Variants in ACSM3 observed in about 807,000 individuals in gnomAD.
ACSM3 encodes the protein acyl-coenzyme A synthetase ACSM3, mitochondrial.
ACSM3 carries 61 observed loss-of-function variants against 74.1 expected under a neutral mutation model. The ratio of observed to expected loss-of-function variants is 0.82; its 90% CI spans 0.67 to 1.02. The LOEUF (loss-of-function observed/expected upper bound fraction) is 1.02, where lower values mean the gene tolerates loss of function less well. ACSM3 is among the 50% of genes least tolerant of loss of function. ACSM3 has a pLI of 0.00. For synonymous variants in ACSM3, 213 were observed against 241.5 expected (o/e 0.88, Z 1.09); for missense variants, 660 against 697.0 (o/e 0.95, Z 0.60).
upstream of ACSM3, among the ~76,000 whole-genome samples, chr16:20,762,667 C>T (rs1377961364): frequency 6.6e-6 from 1 of 152,106 alleles, no homozygotes; most frequent in Non-Finnish European, 1.5e-5. Flanking sequence ...AAGAAAAACA[C>T]CACATGCTTA....
intron 2 of ACSM3, among the ~76,000 whole-genome samples, chr16:20,754,810 C>T (rs2080016216): frequency 6.6e-6 from 1 of 152,106 alleles, no homozygotes; most frequent in Non-Finnish European, 1.5e-5. Context: ...TGGAGTTTTG[C>T]ATAGAGCTGG....
At chr16:20,680,730 C>T (rs568939961) in intron 1 of ACSM3, 15 of 152,260 alleles carry the variant, frequency 9.9e-5, no homozygotes, top group Non-Finnish European at 2.2e-4. Context: ...ATTACTCCTA[C>T]TTACCAGATC....
At chr16:20,710,537 G>A (rs1208521079) in intron 1 of ACSM3, among the ~76,000 whole-genome samples, 1 of 151,900 alleles carries the variant, frequency 6.6e-6, no homozygotes, top group Non-Finnish European at 1.5e-5. Flanking sequence ...TACAGATGGG[G>A]TCTCACTGTG....
At chr16:20,754,744 G>A (rs1200996951) in intron 2 of ACSM3, among the ~76,000 whole-genome samples, 5 of 152,164 alleles carry the variant, frequency 3.3e-5, no homozygotes, top group Non-Finnish European at 7.3e-5. Flanking sequence ...AATACCATGT[G>A]CAATTCTCCA....
chr16:20,715,573 C>T (rs979967070), intron 1 of ACSM3, among the ~76,000 whole-genome samples: 2 of 152,042 alleles, frequency 1.3e-5, no homozygotes, highest in African/African-American at 4.8e-5. Context: ...CACTGCACTC[C>T]AGCCTGGGTG....
intron 2 of ACSM3, among the ~76,000 whole-genome samples, chr16:20,755,359 T>A (rs907928828): frequency 6.6e-6 from 1 of 152,150 alleles, no homozygotes; most frequent in Admixed American, 6.6e-5. Context: ...GTTAGAATCA[T>A]CTGACAAAGA....
upstream of ACSM3, among the ~76,000 whole-genome samples, chr16:20,762,143 C>T (rs767607231): frequency 6.6e-6 from 1 of 152,188 alleles, no homozygotes; most frequent in Non-Finnish European, 1.5e-5. Context: ...CAAAAACTTG[C>T]CTCAGTCTCT....
At chr16:20,760,472 G>A (rs1416273912), upstream of ACSM3, among the ~76,000 whole-genome samples, 1 of 152,190 alleles carries the variant, frequency 6.6e-6, no homozygotes, top group Non-Finnish European at 1.5e-5. Context: ...GTAAGTTACG[G>A]AAGAGAGAAA....
At chr16:20,791,585 A>AAT (rs1266618800) in intron 10 of ACSM3, among the ~76,000 whole-genome samples, 1 of 152,160 alleles carries the variant, frequency 6.6e-6, no homozygotes, top group Non-Finnish European at 1.5e-5. Context: ...TCCTAACTCT[A>AAT]ATGCTTCTCA....
intron 1 of ACSM3, chr16:20,737,668 A>G: frequency 1.3e-5 from 20 of 1,560,622 alleles, no homozygotes; most frequent in Non-Finnish European, 1.7e-5. Flanking sequence ...ACAAGTATTT[A>G]CCATTGAATG....
At chr16:20,754,376 C>T (rs1487843970) in intron 2 of ACSM3, among the ~76,000 whole-genome samples, 1 of 152,156 alleles carries the variant, frequency 6.6e-6, no homozygotes, top group African/African-American at 2.4e-5. Flanking sequence ...CTCTAACACT[C>T]AGGGTTCCCA....
intron 10 of ACSM3, among the ~76,000 whole-genome samples, chr16:20,791,540 CT>C (rs2080597264): frequency 1.3e-5 from 2 of 152,204 alleles, no homozygotes; most frequent in South Asian, 4.1e-4. Context: ...TAGCTCCATG[CT>C]GGAATTTCAT....
At chr16:20,786,054 T>G (rs762548951) in intron 8 of ACSM3, 24 bp from the exon 9 acceptor site, 2 of 1,448,420 alleles carry the variant, frequency 1.4e-6, no homozygotes, top group South Asian at 1.3e-5. Flanking sequence ...TAATGTTATC[T>G]TACTTTTTCT....
intron 13 of ACSM3, 182 bp downstream of exon 13, chr16:20,796,671 T>C: frequency 6.8e-7 from 1 of 1,475,886 alleles, no homozygotes; most frequent in Middle Eastern, 2.5e-4. Context: ...ACCTATTTTG[T>C]TTGGTCCTTT....
chr16:20,773,818 GA>G (rs1353587870), intron 2 of ACSM3, among the ~76,000 whole-genome samples: 4 of 152,222 alleles, frequency 2.6e-5, no homozygotes, highest in African/African-American at 7.2e-5. Context: ...CTGATGAGAA[GA>G]AGAATGTGTA....
intron 8 of ACSM3, 125 bp downstream of exon 8, chr16:20,785,232 A>C: frequency 7.5e-7 from 1 of 1,334,896 alleles, no homozygotes; most frequent in African/African-American, 1.5e-5. Context: ...AAATGTTTAA[A>C]AAAACAATGC....
rs2080271208 is a variant in ACSM3, at chr16:20,777,584, A to G, written c.638+4A>G. 1 of 1,609,896 alleles carries G rather than the reference A, an allele frequency of 6.2e-7. No individual in the cohort carries two copies. The highest frequency in any genetic ancestry group is 8.5e-7 in the Non-Finnish European group (1 of 1,176,358). On this transcript the variant is annotated splice_donor_region_variant and intron_variant, in intron 4 of 13. Coordinates refer to ENST00000289416, the MANE Select transcript of ACSM3 (RefSeq NM_005622.4). ...GGAACCTCAAGGAGTTGATGAAGTG[A>G]GTAGCCACACTTGTTGTAAAACAGC...
chr16:20,754,774 A>C (rs1450216780), intron 2 of ACSM3, among the ~76,000 whole-genome samples: 1 of 152,192 alleles, frequency 6.6e-6, no homozygotes, highest in Non-Finnish European at 1.5e-5. Context: ...TAAGCTTCTC[A>C]AGTGTCACAA....
At chr16:20,755,335 G>A (rs1019196350) in intron 2 of ACSM3, among the ~76,000 whole-genome samples, 2 of 152,180 alleles carry the variant, frequency 1.3e-5, no homozygotes, top group Non-Finnish European at 2.9e-5. Flanking sequence ...TGCTAACACT[G>A]AGATGACAGA....
Sources: gnomAD v4.1 joint callset for allele counts (sites outside exome capture counted in the v4.1 genomes callset) on GRCh38, gnomAD v4.1.1 for gene constraint, MANE v1.5 for transcripts, NCBI Gene and HGNC (gene_info 2026-07-23, HGNC 2026-07-21) for gene names.